Variants in KIAA0040 observed in about 807,000 individuals in gnomAD.
KIAA0040 encodes KIAA0040.
In KIAA0040, 10 loss-of-function variants were observed where a neutral mutation model predicts 7.2. The ratio of observed to expected loss-of-function variants is 1.38; its 90% CI spans 0.85 to 2.34. The LOEUF is 2.34. KIAA0040 is among the 30% of genes most tolerant of loss of function. KIAA0040 has a pLI of 0.00. For missense variants in KIAA0040, 89 were observed against 108.2 expected (o/e 0.82, Z 0.79); for synonymous variants, 49 against 40.1 (o/e 1.22, Z -0.84).
intron 2 of KIAA0040, chr1:175,176,289 C>T (rs1338197195): frequency 4.6e-5 from 7 of 152,122 alleles, no homozygotes; most frequent in East Asian, 1.9e-4. Context: ...AACAAAATTT[C>T]GGGGCAATTA....
At chr1:175,186,171 T>C (rs1034640581) in intron 1 of KIAA0040, among the ~76,000 whole-genome samples, 1 of 152,218 alleles carries the variant, frequency 6.6e-6, no homozygotes, top group African/African-American at 2.4e-5. Context: ...CACTTTAAAA[T>C]GGTTAATTTT....
chr1:175,180,805 T>C (rs1393148593), intron 1 of KIAA0040, among the ~76,000 whole-genome samples: 2 of 152,216 alleles, frequency 1.3e-5, no homozygotes, highest in African/African-American at 2.4e-5. Context: ...ACTACCCTTG[T>C]TGGAAAGCCC....
At chr1:175,172,138 T>C (rs1401977371) in intron 2 of KIAA0040, among the ~76,000 whole-genome samples, 3 of 152,188 alleles carry the variant, frequency 2.0e-5, no homozygotes, top group African/African-American at 4.8e-5. Flanking sequence ...TTATCTTTTC[T>C]CCAGAGGGTC....
intron 1 of KIAA0040, among the ~76,000 whole-genome samples, chr1:175,178,848 G>C (rs1677314292): frequency 6.6e-6 from 1 of 151,292 alleles, no homozygotes; most frequent in South Asian, 2.1e-4. Context: ...CTGCAAAGTT[G>C]AATTTTCAAA....
At chr1:175,174,116 T>C (rs1209891365) in intron 2 of KIAA0040, among the ~76,000 whole-genome samples, 7 of 147,852 alleles carry the variant, frequency 4.7e-5, no homozygotes, top group African/African-American at 1.7e-4. Flanking sequence ...TCACCTCCCC[T>C]GGATTATAAA....
At chr1:175,176,803 G>A (rs191375854) in intron 2 of KIAA0040, among the ~76,000 whole-genome samples, 22 of 147,526 alleles carry the variant, frequency 1.5e-4, no homozygotes, top group East Asian at 1.4e-3. Context: ...AGGAATAGCC[G>A]TCATCTCTTC....
At chr1:175,176,572 T>A (rs990673275) in intron 2 of KIAA0040, 2 of 151,840 alleles carry the variant, frequency 1.3e-5, no homozygotes, top group Admixed American at 1.3e-4. Context: ...TGTTTTTTTA[T>A]GGTTTTGATA....
intron 1 of KIAA0040, among the ~76,000 whole-genome samples, chr1:175,190,268 G>GA (rs1677818076): frequency 6.6e-6 from 1 of 152,226 alleles, no homozygotes; most frequent in Non-Finnish European, 1.5e-5. Context: ...AGCGTTCGGA[G>GA]AAAGTCATCT....
At chr1:175,182,832 T>G (rs1677490771) in intron 1 of KIAA0040, among the ~76,000 whole-genome samples, 1 of 152,250 alleles carries the variant, frequency 6.6e-6, no homozygotes, top group African/African-American at 2.4e-5. Flanking sequence ...AAACAGTGCC[T>G]GGCACAGAGC....
At chr1:175,164,304 G>C (rs2101878663) in intron 3 of KIAA0040, among the ~76,000 whole-genome samples, 1 of 152,332 alleles carries the variant, frequency 6.6e-6, no homozygotes, top group East Asian at 1.9e-4. Context: ...ACTGTTGGGT[G>C]TTGAGAATTC....
intron 1 of KIAA0040, among the ~76,000 whole-genome samples, chr1:175,181,005 T>C (rs769026861): frequency 2.1e-4 from 32 of 152,166 alleles, no homozygotes; most frequent in Non-Finnish European, 3.4e-4. Context: ...CCACCACATC[T>C]GCCTAATTTA....
intron 1 of KIAA0040, among the ~76,000 whole-genome samples, chr1:175,180,300 C>T (rs568614633): frequency 6.6e-6 from 1 of 152,168 alleles, no homozygotes; most frequent in African/African-American, 2.4e-5. Flanking sequence ...ATATTTTGCC[C>T]TTGGGAAATA....
rs1181433734 is a variant in KIAA0040, at chr1:175,177,685, C to T, written c.-383-1G>A. On this transcript the variant is annotated splice_acceptor_variant, in intron 1 of 3. Transcript: ENST00000423313. LOFTEE classifies it low-confidence loss of function (5UTR_SPLICE). ...CTTCATCTCCAAAATGGGGAACAAT[C>T]TAGAAGAATACACAAGAAAATGATA... 1 of 152,170 alleles carries T rather than the reference C, an allele frequency of 6.6e-6. No individual in the cohort carries two copies. Among genetic ancestry groups the T allele is most frequent in the African/African-American group, 2.4e-5 (1 of 41,426 alleles). 9.4% of individuals were successfully genotyped at this position (152,170 alleles called of 1,614,324 possible).
intron 2 of KIAA0040, among the ~76,000 whole-genome samples, chr1:175,168,363 T>G (rs1427539998): frequency 7.2e-5 from 11 of 152,130 alleles, no homozygotes; most frequent in Admixed American, 2.0e-4. Flanking sequence ...AAATAACTAG[T>G]CCTAATACAA....
intron 3 of KIAA0040, among the ~76,000 whole-genome samples, chr1:175,164,663 T>C (rs1476018921): frequency 6.6e-6 from 1 of 152,212 alleles, no homozygotes; most frequent in Non-Finnish European, 1.5e-5. Context: ...CCAAAGAGTA[T>C]TCATTAACAT....
intron 2 of KIAA0040, among the ~76,000 whole-genome samples, 175 bp from the exon 3 acceptor site, chr1:175,166,912 C>T (rs899584776): frequency 1.3e-5 from 2 of 152,118 alleles, no homozygotes; most frequent in East Asian, 1.9e-4. Flanking sequence ...GAGCAGGCAT[C>T]GTGCAGTGAC....
rs1174299246 is a variant in KIAA0040 at position 175,157,047 on chromosome 1, T to C, written c.*3667A>G. ...GAATTTAAATAGTCACATGTGGCTA[T>C]TGGTACCATATTGAACCATATTGAA... is the stretch of plus-strand genomic sequence containing the variant. On this transcript the variant is annotated 3_prime_UTR_variant, in exon 4 of 4. Coordinates refer to ENST00000423313, the MANE Select transcript of KIAA0040 (RefSeq NM_014656.3). 1.3e-5 allele frequency: 2 copies of C among 152,126 alleles called. No homozygotes were observed. Among genetic ancestry groups the C allele is most frequent in the Non-Finnish European group, 2.9e-5 (2 of 68,056 alleles). The allele number at this position is 152,126 out of a possible 1,614,324, so 9.4% of individuals were successfully genotyped here. A position where few individuals can be genotyped will look rare whatever the true frequency, so the allele number is the denominator to read the frequency against.
intron 1 of KIAA0040, among the ~76,000 whole-genome samples, chr1:175,181,239 G>A (rs1315762330): frequency 6.6e-6 from 1 of 151,856 alleles, no homozygotes; most frequent in African/African-American, 2.4e-5. Context: ...TTTGTGGGGG[G>A]CGGGGGGCTG....
chr1:175,185,671 A>G (rs1250095801), intron 1 of KIAA0040, among the ~76,000 whole-genome samples: 1 of 152,256 alleles, frequency 6.6e-6, no homozygotes, highest in Non-Finnish European at 1.5e-5. Context: ...TAGAATTACC[A>G]TATGATCCAG....
Sources: gnomAD v4.1 joint callset for allele counts (sites outside exome capture counted in the v4.1 genomes callset) on GRCh38, gnomAD v4.1.1 for gene constraint, MANE v1.5 for transcripts, NCBI Gene and HGNC (gene_info 2026-07-23, HGNC 2026-07-21) for gene names.